The following NRG3 variants were observed in gnomAD, a reference collection of about 807,000 sequenced individuals.
NRG3 encodes neuregulin 3.
In NRG3, 31 loss-of-function variants were observed where a neutral mutation model predicts 66.9. The observed-to-expected ratio is 0.46, with a 90% CI of 0.35 to 0.63. The LOEUF (loss-of-function observed/expected upper bound fraction) is 0.63, where lower values mean the gene tolerates loss of function less well. Among genes scored for constraint, NRG3 ranks in the 20% least tolerant of loss-of-function variants. The probability of loss-of-function intolerance (pLI) is 0.00; values close to 1 mark genes in which losing one functional copy is unlikely to be tolerated. For synonymous variants in NRG3, 393 were observed against 359.4 expected, an observed-to-expected ratio of 1.09 and a Z score of -1.06; for missense variants, 910 against 878.9, an observed-to-expected ratio of 1.04 and a Z score of -0.45.
chr10:82,324,303 ACTTTT>A (rs1348987595), intron 1 of NRG3, among the ~76,000 whole-genome samples: 12 of 152,080 alleles, frequency 7.9e-5, no homozygotes, highest in Non-Finnish European at 1.8e-4. Flanking sequence ...ATTTGTGTCT[ACTTTT>A]TTCCCTACCC....
intron 3 of NRG3, among the ~76,000 whole-genome samples, chr10:82,797,525 T>C (rs1335284899): frequency 6.6e-6 from 1 of 152,092 alleles, no homozygotes; most frequent in African/African-American, 2.4e-5. Flanking sequence ...TTTTTTTCTG[T>C]CACTCAGATT....
chr10:82,929,027 G>T (rs569705198), intron 4 of NRG3, among the ~76,000 whole-genome samples: 216 of 152,284 alleles, frequency 1.4e-3, no homozygotes, highest in African/African-American at 5.1e-3. Flanking sequence ...GAGAACCAAT[G>T]TCTCAGAATC....
chr10:82,648,646 T>A (rs1407251395), intron 2 of NRG3, among the ~76,000 whole-genome samples: 3 of 152,192 alleles, frequency 2.0e-5, no homozygotes, highest in Admixed American at 2.0e-4. Context: ...GAGCATGGAA[T>A]GTTCTTCCAT....
chr10:82,894,518 G>T (rs544955423), intron 4 of NRG3, among the ~76,000 whole-genome samples: 4 of 151,356 alleles, frequency 2.6e-5, no homozygotes, highest in Non-Finnish European at 5.9e-5. Context: ...TACCAATTTT[G>T]GTTCTCAGGT....
chr10:82,171,388 A>G (rs1034918514), intron 1 of NRG3, among the ~76,000 whole-genome samples: 22 of 151,960 alleles, frequency 1.4e-4, no homozygotes, highest in Non-Finnish European at 3.1e-4. Flanking sequence ...CACTGCTTCT[A>G]CTTTGCCAGC....
chr10:82,493,387 T>G (rs1288393547), intron 2 of NRG3, among the ~76,000 whole-genome samples: 1 of 152,156 alleles, frequency 6.6e-6, no homozygotes, highest in Non-Finnish European at 1.5e-5. Context: ...GATGTTTGGT[T>G]TTCTGTTTCT....
In NRG3 at chr10:82,265,158, G is replaced by A. The variant is rs182127018; in HGVS notation, c.824-93581G>A. On this transcript the variant is annotated intron_variant, in intron 1 of 8. Transcript: ENST00000372141. ...TTAACCACCAAAATTGGGGCCGCCA[G>A]TGCCAAGAACTCACTTGAGGGCTCT... 5.3e-5 allele frequency among the ~76,000 whole-genome samples: 8 copies of A among 152,294 alleles called. No homozygotes were observed. The East Asian group carries it at 1.5e-3, about 29-fold the overall frequency.
chr10:82,343,897 C>A (rs1589784057), intron 1 of NRG3, among the ~76,000 whole-genome samples: 1 of 152,034 alleles, frequency 6.6e-6, no homozygotes, highest in Non-Finnish European at 1.5e-5. Context: ...TCTCTTATGA[C>A]CGTACAGATT....
chr10:82,340,392 A>G (rs2082625250), intron 1 of NRG3, among the ~76,000 whole-genome samples: 1 of 152,190 alleles, frequency 6.6e-6, no homozygotes, highest in African/African-American at 2.4e-5. Flanking sequence ...ATAGTTAGCC[A>G]ATGCATAAGC....
At chr10:82,562,106 A>G (rs145777092) in intron 2 of NRG3, among the ~76,000 whole-genome samples, 34 of 152,306 alleles carry the variant, frequency 2.2e-4, no homozygotes, top group African/African-American at 7.9e-4. Flanking sequence ...TGAGACACTA[A>G]TTTTGTTTTC....
At chr10:82,407,105 T>C (rs2087580818) in intron 2 of NRG3, among the ~76,000 whole-genome samples, 1 of 146,080 alleles carries the variant, frequency 6.8e-6, no homozygotes, top group Admixed American at 6.8e-5. Context: ...TTTTCCAGTG[T>C]CTTTTATTTT....
intron 1 of NRG3, among the ~76,000 whole-genome samples, chr10:82,019,758 G>A (rs2061972127): frequency 6.6e-6 from 1 of 152,078 alleles, no homozygotes; most frequent in African/African-American, 2.4e-5. Flanking sequence ...ATGGTAGTTT[G>A]TATTTCTGTG....
chr10:82,865,570 C>A, intron 4 of NRG3, 133 bp downstream of exon 4: 1 of 840,976 alleles, frequency 1.2e-6, no homozygotes, highest in Non-Finnish European at 1.8e-6. Context: ...AAAAAATACT[C>A]TTGTCGAGTT....
At chr10:82,517,035 A>T (rs141061910) in intron 2 of NRG3, among the ~76,000 whole-genome samples, 99 of 152,314 alleles carry the variant, frequency 6.5e-4, no homozygotes, top group African/African-American at 2.0e-3. Context: ...AAAAAATGGG[A>T]ATACATAAGA....
intron 1 of NRG3, among the ~76,000 whole-genome samples, chr10:81,923,189 C>A (rs1001381793): frequency 1.1e-4 from 16 of 152,248 alleles, no homozygotes; most frequent in African/African-American, 3.9e-4. Flanking sequence ...AATCATCTTT[C>A]TAACTCACAA....
chr10:82,674,671 C>T (rs1023367536), intron 2 of NRG3, among the ~76,000 whole-genome samples: 1 of 151,968 alleles, frequency 6.6e-6, no homozygotes, highest in African/African-American at 2.4e-5. Flanking sequence ...CATCAGTTTC[C>T]AGGGAAGTAC....
intron 2 of NRG3, among the ~76,000 whole-genome samples, chr10:82,636,221 ATATGTG>A (rs1347954388): frequency 8.7e-4 from 17 of 19,576 alleles, no homozygotes; most frequent in Non-Finnish European, 1.5e-3. Context: ...GTCTATCTAC[ATATGTG>A]TGTGTGTGTG....
At chr10:82,856,857 G>A (rs2063838751) in intron 3 of NRG3, among the ~76,000 whole-genome samples, 2 of 152,046 alleles carry the variant, frequency 1.3e-5, no homozygotes, top group African/African-American at 4.8e-5. Context: ...AAGATCCTGG[G>A]AGACACATGT....
At chr10:82,547,946 A>G (rs150194774) in intron 2 of NRG3, among the ~76,000 whole-genome samples, 1 of 151,980 alleles carries the variant, frequency 6.6e-6, no homozygotes, top group Admixed American at 6.6e-5. Flanking sequence ...CTTATTTTCA[A>G]ATTGGCCTGT....
Sources: allele counts gnomAD v4.1 joint callset (sites outside exome capture counted in the v4.1 genomes callset), GRCh38; gene constraint gnomAD v4.1.1; transcripts MANE v1.5; gene names NCBI Gene and HGNC (gene_info 2026-07-23, HGNC 2026-07-21).